Variants in ENPP2 observed in about 807,000 individuals in gnomAD.
The protein encoded by ENPP2 is ectonucleotide pyrophosphatase/phosphodiesterase 2, also known as autotaxin.
ENPP2 carries 51 observed loss-of-function variants against 120.2 expected under a neutral mutation model. That is an observed-to-expected ratio of 0.42 (90% CI 0.34 to 0.54). The LOEUF is 0.54. Ranked by LOEUF, ENPP2 falls within the 20% of genes least tolerant of loss-of-function variation. The pLI is 0.04. For missense variants in ENPP2, 920 were observed against 1,066.5 expected, an observed-to-expected ratio of 0.86 and a Z score of 1.91; for synonymous variants, 365 against 366.4, an observed-to-expected ratio of 1.00 and a Z score of 0.04.
chr8:119,617,379 G>T, intron 6 of ENPP2, 87 bp downstream of exon 6: 1 of 1,122,406 alleles, frequency 8.9e-7, no homozygotes, highest in Non-Finnish European at 1.3e-6. Context: ...AAAACTACGT[G>T]CCCATAGATC....
intron 1 of ENPP2, among the ~76,000 whole-genome samples, chr8:119,646,746 T>C (rs1405281338): frequency 6.6e-6 from 1 of 152,178 alleles, no homozygotes; most frequent in Middle Eastern, 3.2e-3. Flanking sequence ...TGTTCATAAA[T>C]GTTAAATTTT....
At chr8:119,653,930 AT>A (rs1415052734) in intron 1 of ENPP2, among the ~76,000 whole-genome samples, 1 of 148,708 alleles carries the variant, frequency 6.7e-6, no homozygotes, top group Non-Finnish European at 1.5e-5. Flanking sequence ...CTCTCTATAT[AT>A]TTTTTATCTC....
chr8:119,663,471 G>A lies in ENPP2; in HGVS notation c.21+9781C>T, dbSNP rs534822480. ...TTTATCTGAAACTGAAATTTAACTG[G>A]GGCATCCTGGGATTTTATTGTTTTT... On this transcript the variant is annotated intron_variant, in intron 1 of 25. Transcript: ENST00000427067. Among the ~76,000 whole-genome samples, 3 of 152,164 alleles carry A rather than the reference G, an allele frequency of 2.0e-5. No individual in the cohort carries two copies. In the East Asian group the frequency reaches 5.8e-4, roughly 29 times the overall value.
At chr8:119,627,865 A>AAAAAAAATAT (rs922394521) in intron 2 of ENPP2, among the ~76,000 whole-genome samples, 2 of 143,554 alleles carry the variant, frequency 1.4e-5, no homozygotes, top group African/African-American at 5.1e-5. Flanking sequence ...CCGTCTTAAA[A>AAAAAAAATAT]ATATATATAT....
At chr8:119,652,197 G>T (rs1331286118) in intron 1 of ENPP2, among the ~76,000 whole-genome samples, 1 of 151,990 alleles carries the variant, frequency 6.6e-6, no homozygotes, top group Non-Finnish European at 1.5e-5. Context: ...ATTATGGAAG[G>T]GTAAGGGTCT....
intron 1 of ENPP2, among the ~76,000 whole-genome samples, chr8:119,651,162 G>A (rs939760183): frequency 6.6e-6 from 1 of 152,132 alleles, no homozygotes; most frequent in Admixed American, 6.5e-5. Context: ...TTAAATTATA[G>A]ATAGGGGATT....
intron 2 of ENPP2, among the ~76,000 whole-genome samples, chr8:119,628,381 A>G (rs180714007): frequency 1.3e-4 from 20 of 152,346 alleles, no homozygotes; most frequent in African/African-American, 4.3e-4. Context: ...CAGAAATTCT[A>G]TTACTAGAAA....
rs528326819 is a variant in ENPP2 at position 119,646,998 on chromosome 8, C to CTT, written c.22-8473_22-8472dup. Reference sequence around the variant, plus strand: ...TTACCATATTGTCTGTAATCTCTCTCTTTTTTTTTTTTTTTTTGAGACAGA... The same window carrying CTT: ...TTACCATATTGTCTGTAATCTCTCTCTTTTTTTTTTTTTTTTTTTGAGACAGA... On this transcript the variant is annotated intron_variant, in intron 1 of 25. Coordinates refer to the ENPP2 transcript ENST00000427067. Among the ~76,000 whole-genome samples, 338 of 140,120 alleles carry CTT rather than the reference C, an allele frequency of 2.4e-3. 2 individuals carry two copies. Among genetic ancestry groups the CTT allele is most frequent in the African/African-American group, 8.2e-3 (314 of 38,232 alleles). 91.9% of individuals were successfully genotyped at this position (140,120 alleles called of 152,430 possible).
At chr8:119,599,599 G>A (rs114206143) in intron 11 of ENPP2, among the ~76,000 whole-genome samples, 4,468 of 152,248 alleles carry the variant, frequency 0.029, 202 homozygotes, top group African/African-American at 0.1. Context: ...TATCTATGCT[G>A]AAAATGTGGG....
At chr8:119,631,785 T>C (rs966585294) in intron 2 of ENPP2, among the ~76,000 whole-genome samples, 17 of 152,288 alleles carry the variant, frequency 1.1e-4, no homozygotes, top group South Asian at 2.1e-4. Flanking sequence ...ATTCTTTTTT[T>C]AATCATTTTT....
At chr8:119,581,444 C>T (rs949300327) in intron 18 of ENPP2, among the ~76,000 whole-genome samples, 1 of 151,902 alleles carries the variant, frequency 6.6e-6, no homozygotes, top group Non-Finnish European at 1.5e-5. Flanking sequence ...TGGGCTCTAC[C>T]AAGGGGAAAC....
intron 12 of ENPP2, 75 bp downstream of exon 12, chr8:119,593,677 C>T: frequency 2.1e-6 from 2 of 938,474 alleles, no homozygotes; most frequent in South Asian, 1.4e-5. Context: ...CTTCTAAGGG[C>T]AAGGATTCTT....
At chr8:119,561,486 A>G (rs903788443) in intron 24 of ENPP2, among the ~76,000 whole-genome samples, 3 of 152,214 alleles carry the variant, frequency 2.0e-5, no homozygotes, top group Admixed American at 6.5e-5. Context: ...AAAAGCATAG[A>G]CCATTACTTC....
In ENPP2 at chr8:119,583,738, C is replaced by A; in HGVS notation, c.1522G>T (p.Glu508Ter). Residue 508 changes from glutamate (E) to a stop codon, truncating the protein, a stop_gained, in exon 17 of 25, where the codon GAA (glutamate) becomes TAA (stop). Transcript: ENST00000075322. LOFTEE classifies it high-confidence loss of function. The part of the protein sequence containing the change: ...KTKVPPFENI[E>*]LYNVMCDLLG... The stretch of plus-strand genomic sequence containing the variant: ...TTACCACACATAACATTGTAAAGTT[C>A]AATGTTTTCAAATGGAGGCACTTTA... 6.3e-7 allele frequency: 1 copy of A among 1,584,460 alleles called. No homozygotes were observed. Among genetic ancestry groups the A allele is most frequent in the South Asian group, 1.1e-5 (1 of 89,854 alleles).
intron 11 of ENPP2, among the ~76,000 whole-genome samples, chr8:119,594,239 A>G (rs1351844656): frequency 6.6e-6 from 1 of 152,234 alleles, no homozygotes; most frequent in African/African-American, 2.4e-5. Context: ...ATTTTGAACT[A>G]TGGCAAGAAG....
intron 8 of ENPP2, among the ~76,000 whole-genome samples, chr8:119,614,884 T>C (rs1815354361): frequency 6.6e-6 from 1 of 152,190 alleles, no homozygotes; most frequent in Non-Finnish European, 1.5e-5. Context: ...TATGGACTTC[T>C]GGGAGTCCAG....
intron 1 of ENPP2, among the ~76,000 whole-genome samples, chr8:119,648,002 T>C (rs1817521875): frequency 6.6e-6 from 1 of 152,102 alleles, no homozygotes; most frequent in East Asian, 1.9e-4. Flanking sequence ...CAAAATTCCA[T>C]CCCCAAAAAA....
intron 23 of ENPP2, among the ~76,000 whole-genome samples, chr8:119,564,005 T>C (rs1165749949): frequency 6.6e-6 from 1 of 151,480 alleles, no homozygotes; most frequent in Non-Finnish European, 1.5e-5. Context: ...TGTTATTTAA[T>C]TTTATACAAT....
chr8:119,604,313 C>T lies in ENPP2; in HGVS notation c.834-2851G>A, dbSNP rs996971072. 3.7e-4 allele frequency among the ~76,000 whole-genome samples: 56 copies of T among 152,136 alleles called. 4 individuals carry two copies. The highest frequency in any genetic ancestry group is 5.9e-5 in the Non-Finnish European group (4 of 68,018). On this transcript the variant is annotated intron_variant, in intron 9 of 24. Transcript: ENST00000075322. ...AAAGTGCTGGGATTACAGGCATGAG[C>T]CACCACACCCAGCCTCTAATCTCTT...
Sources: gnomAD v4.1 joint callset for allele counts (sites outside exome capture counted in the v4.1 genomes callset) on GRCh38, gnomAD v4.1.1 for gene constraint, MANE v1.5 for transcripts, NCBI Gene and HGNC (gene_info 2026-07-23, HGNC 2026-07-21) for gene names.